HS3ST5: variants seen among roughly 807,000 people sequenced by gnomAD.
The protein encoded by HS3ST5 is heparan sulfate-glucosamine 3-sulfotransferase 5, also known as heparan sulfate glucosamine 3-O-sulfotransferase 5.
A neutral mutation model predicts 25.4 loss-of-function variants in HS3ST5; 10 were observed. The observed-to-expected ratio is 0.39, with a 90% CI of 0.24 to 0.67. HS3ST5 has a LOEUF of 0.67. Ranked by LOEUF, HS3ST5 falls within the 30% of genes least tolerant of loss-of-function variation. HS3ST5 has a pLI of 0.44. For synonymous variants in HS3ST5, 170 were observed against 162.4 expected, an observed-to-expected ratio of 1.05 and a Z score of -0.36; for missense variants, 324 against 420.7, an observed-to-expected ratio of 0.77 and a Z score of 2.01.
At chr6:114,118,146 C>T (rs1269483597) in intron 3 of HS3ST5, among the ~76,000 whole-genome samples, 6 of 152,106 alleles carry the variant, frequency 3.9e-5, no homozygotes, top group African/African-American at 1.4e-4. Context: ...GTAAATTATC[C>T]ACATTATGAC....
chr6:114,338,885 A>C (rs1276819261), intron 1 of HS3ST5, among the ~76,000 whole-genome samples: 4 of 152,104 alleles, frequency 2.6e-5, no homozygotes, highest in Non-Finnish European at 5.9e-5. Flanking sequence ...GAATGGTAAC[A>C]GTTTAATTTA....
chr6:114,224,822 C>T (rs1467441025), intron 2 of HS3ST5, among the ~76,000 whole-genome samples: 1 of 151,562 alleles, frequency 6.6e-6, no homozygotes, highest in African/African-American at 2.4e-5. Flanking sequence ...ACCCTAATCT[C>T]TATATTTATC....
At chr6:114,327,157 C>G (rs1776206371) in intron 1 of HS3ST5, among the ~76,000 whole-genome samples, 1 of 152,072 alleles carries the variant, frequency 6.6e-6, no homozygotes, top group African/African-American at 2.4e-5. Context: ...CATTCTTTAC[C>G]TTAAATACAT....
chr6:114,153,388 T>C (rs1189856869), intron 3 of HS3ST5, among the ~76,000 whole-genome samples: 1 of 148,404 alleles, frequency 6.7e-6, no homozygotes, highest in East Asian at 1.9e-4. Context: ...TTCGTTATAT[T>C]TCCTAATTTT....
intron 2 of HS3ST5, among the ~76,000 whole-genome samples, chr6:114,183,304 A>G (rs143704870): frequency 3.3e-4 from 50 of 152,138 alleles, no homozygotes; most frequent in African/African-American, 1.1e-3. Flanking sequence ...GTCTCATGAG[A>G]TCTAATAGTT....
At chr6:114,114,144 G>T (rs1014740904) in intron 3 of HS3ST5, among the ~76,000 whole-genome samples, 2 of 152,038 alleles carry the variant, frequency 1.3e-5, no homozygotes, top group African/African-American at 4.8e-5. Flanking sequence ...GGAATAACCT[G>T]GGTGGTGGAA....
At chr6:114,118,290 G>A (rs749459602) in intron 3 of HS3ST5, among the ~76,000 whole-genome samples, 10 of 151,948 alleles carry the variant, frequency 6.6e-5, no homozygotes, top group South Asian at 2.1e-4. Flanking sequence ...AATTTTCAGC[G>A]GAAAAAAAAT....
At chr6:114,200,376 A>T (rs1780956485) in intron 2 of HS3ST5, among the ~76,000 whole-genome samples, 1 of 152,206 alleles carries the variant, frequency 6.6e-6, no homozygotes, top group Non-Finnish European at 1.5e-5. Flanking sequence ...TATTTTGAAA[A>T]CATGTATATA....
intron 1 of HS3ST5, among the ~76,000 whole-genome samples, chr6:114,305,383 C>G (rs1775246508): frequency 6.6e-6 from 1 of 152,050 alleles, no homozygotes; most frequent in Admixed American, 6.6e-5. Flanking sequence ...AAGTGACAGA[C>G]TCACTATGTT....
At chr6:114,141,321 A>G (rs1777889961) in intron 3 of HS3ST5, among the ~76,000 whole-genome samples, 1 of 152,258 alleles carries the variant, frequency 6.6e-6, no homozygotes, top group African/African-American at 2.4e-5. Flanking sequence ...TCATGTAAAT[A>G]TGGATACTAA....
At chr6:114,227,312 C>T (rs1297408906) in intron 2 of HS3ST5, among the ~76,000 whole-genome samples, 6 of 146,968 alleles carry the variant, frequency 4.1e-5, no homozygotes. Context: ...ATAATGTGAA[C>T]AAGTGTACAC....
chr6:114,086,225 AC>A (rs1307545226), intron 3 of HS3ST5, among the ~76,000 whole-genome samples: 1 of 152,188 alleles, frequency 6.6e-6, no homozygotes, highest in African/African-American at 2.4e-5. Flanking sequence ...AATCAGCTGA[AC>A]TTAAGATAGG....
At chr6:114,074,162 G>A (rs1278644383) in intron 3 of HS3ST5, among the ~76,000 whole-genome samples, 1 of 152,062 alleles carries the variant, frequency 6.6e-6, no homozygotes, top group Non-Finnish European at 1.5e-5. Context: ...GAGGCTGGGG[G>A]AGGGATAGCA....
intron 3 of HS3ST5, among the ~76,000 whole-genome samples, chr6:114,096,673 T>G (rs1775443743): frequency 6.6e-6 from 1 of 152,196 alleles, no homozygotes; most frequent in Non-Finnish European, 1.5e-5. Context: ...TGTTTAGGTA[T>G]CAAAACTGGT....
intron 3 of HS3ST5, among the ~76,000 whole-genome samples, chr6:114,066,657 A>G (rs1243096288): frequency 6.6e-6 from 1 of 152,144 alleles, no homozygotes; most frequent in African/African-American, 2.4e-5. Context: ...AAATAAAAAA[A>G]ACAACAAAAA....
intron 1 of HS3ST5, among the ~76,000 whole-genome samples, chr6:114,246,562 C>G (rs556738893): frequency 1.3e-5 from 2 of 152,274 alleles, no homozygotes; most frequent in African/African-American, 4.8e-5. Flanking sequence ...GTCGTTTAAG[C>G]TAAGGCAAAT....
intron 1 of HS3ST5, among the ~76,000 whole-genome samples, chr6:114,279,190 C>T (rs1773994523): frequency 6.6e-6 from 1 of 151,848 alleles, no homozygotes; most frequent in South Asian, 2.1e-4. Context: ...GATGTGTGTG[C>T]TTGTGTGTTT....
chr6:114,236,650 G>A (rs543731572), intron 1 of HS3ST5, among the ~76,000 whole-genome samples: 87 of 152,184 alleles, frequency 5.7e-4, no homozygotes, highest in African/African-American at 2.0e-3. Flanking sequence ...TTGTGTGTGC[G>A]CAAAAGAGAA....
At chr6:114,332,006 T>G (rs775716459) in intron 1 of HS3ST5, among the ~76,000 whole-genome samples, 1 of 151,890 alleles carries the variant, frequency 6.6e-6, no homozygotes, top group Non-Finnish European at 1.5e-5. Context: ...TTTAAAAAAT[T>G]TAAATAAAAG....
Sources: allele counts gnomAD v4.1 joint callset (sites outside exome capture counted in the v4.1 genomes callset), GRCh38; gene constraint gnomAD v4.1.1; transcripts MANE v1.5; gene names NCBI Gene and HGNC (gene_info 2026-07-23, HGNC 2026-07-21).